CCDC178: variants seen among roughly 807,000 people sequenced by gnomAD.
CCDC178 encodes the protein coiled-coil domain containing 178, also known as coiled-coil domain-containing protein 178.
In CCDC178, 126 loss-of-function variants were observed where a neutral mutation model predicts 117.4. That is an observed-to-expected ratio of 1.07 (90% confidence interval 0.93 to 1.24). The LOEUF (loss-of-function observed/expected upper bound fraction) is 1.24, where lower values mean the gene tolerates loss of function less well. Among genes scored for constraint, CCDC178 ranks in the 50% most tolerant of loss-of-function variants. The pLI is 0.00. For synonymous variants in CCDC178, 283 were observed against 313.4 expected, an observed-to-expected ratio of 0.90 and a Z score of 1.02; for missense variants, 1,030 against 986.9, an observed-to-expected ratio of 1.04 and a Z score of -0.59.
intron 20 of CCDC178, among the ~76,000 whole-genome samples, chr18:33,203,197 T>C (rs1348076723): frequency 2.0e-5 from 3 of 152,194 alleles, no homozygotes; most frequent in Non-Finnish European, 2.9e-5. Context: ...TCTTATGAAC[T>C]GAATTTTCAT....
At chr18:33,144,869 A>T (rs551717433) in intron 20 of CCDC178, among the ~76,000 whole-genome samples, 1 of 152,332 alleles carries the variant, frequency 6.6e-6, no homozygotes, top group African/African-American at 2.4e-5. Flanking sequence ...AGTGCCATGA[A>T]TCACCTGGTG....
intron 11 of CCDC178, among the ~76,000 whole-genome samples, chr18:33,295,924 C>A (rs914753362): frequency 6.6e-6 from 1 of 152,140 alleles, no homozygotes; most frequent in Admixed American, 6.6e-5. Context: ...AAAAATCACA[C>A]TTTTTGATAT....
intron 22 of CCDC178, among the ~76,000 whole-genome samples, chr18:32,951,986 T>C (rs2054495943): frequency 6.6e-6 from 1 of 152,214 alleles, no homozygotes; most frequent in Non-Finnish European, 1.5e-5. Flanking sequence ...CCATGTCTCA[T>C]ATCCAGGTCA....
chr18:33,195,954 A>T (rs980852147), intron 20 of CCDC178, among the ~76,000 whole-genome samples: 19 of 152,242 alleles, frequency 1.2e-4, no homozygotes, highest in African/African-American at 4.1e-4. Flanking sequence ...TGTAGAGTTG[A>T]ATTACCTAAA....
chr18:33,188,618 C>G (rs966275741), intron 20 of CCDC178, among the ~76,000 whole-genome samples: 1 of 152,106 alleles, frequency 6.6e-6, no homozygotes, highest in Non-Finnish European at 1.5e-5. Context: ...CTAAGAGTGG[C>G]CATGGGCAAT....
chr18:33,210,327 A>C (rs1404013069), intron 20 of CCDC178, among the ~76,000 whole-genome samples: 1 of 151,932 alleles, frequency 6.6e-6, no homozygotes, highest in Non-Finnish European at 1.5e-5. Context: ...AGACCATATA[A>C]TGCTTCCAAG....
intron 21 of CCDC178, among the ~76,000 whole-genome samples, chr18:33,017,407 TA>T (rs2056014892): frequency 6.6e-6 from 1 of 151,952 alleles, no homozygotes; most frequent in Non-Finnish European, 1.5e-5. Context: ...ACTTGTGGTC[TA>T]AAAGTATGAA....
Position 33,257,691 on chromosome 18 carries a change from C to T in CCDC178, c.1409+9225G>A, listed in dbSNP as rs544057630. On this transcript the variant is annotated intron_variant, in intron 14 of 22. Coordinates refer to ENST00000383096, the MANE Select transcript of CCDC178 (RefSeq NM_001105528.4). ...TTCATGTTCTCCATTGTCCATATTG[C>T]ACAAAATGTAAATTCTCATTACTTC... 5.1e-4 allele frequency among the ~76,000 whole-genome samples: 77 copies of T among 152,166 alleles called. 1 individual carries two copies. Among genetic ancestry groups the T allele is most frequent in the Middle Eastern group, 3.4e-3 (1 of 294 alleles).
chr18:33,251,721 A>G (rs2059620412), intron 14 of CCDC178, among the ~76,000 whole-genome samples: 1 of 151,696 alleles, frequency 6.6e-6, no homozygotes, highest in Non-Finnish European at 1.5e-5. Context: ...AACTGTGGGC[A>G]TTTTGTATTC....
chr18:33,260,969 T>C (rs1037809722), intron 14 of CCDC178, among the ~76,000 whole-genome samples: 4 of 152,236 alleles, frequency 2.6e-5, no homozygotes, highest in African/African-American at 9.6e-5. Flanking sequence ...AGCTCTATTG[T>C]TAATTTTGAA....
At chr18:33,014,498 G>T (rs1164653540) in intron 21 of CCDC178, among the ~76,000 whole-genome samples, 2 of 152,160 alleles carry the variant, frequency 1.3e-5, no homozygotes, top group African/African-American at 4.8e-5. Flanking sequence ...CAATCTAAAA[G>T]GCACACCTAT....
intron 14 of CCDC178, among the ~76,000 whole-genome samples, chr18:33,264,864 G>A (rs200506267): frequency 3.9e-5 from 6 of 152,038 alleles, no homozygotes; most frequent in East Asian, 1.9e-4. Flanking sequence ...CTATGTGAGT[G>A]AGAAATCAAC....
chr18:33,387,511 G>A (rs1291723208), intron 5 of CCDC178, among the ~76,000 whole-genome samples: 3 of 151,960 alleles, frequency 2.0e-5, no homozygotes, highest in Admixed American at 1.3e-4. Flanking sequence ...ACAAAAACAG[G>A]CACATAGACC....
chr18:33,266,003 A>G (rs1181310301), intron 14 of CCDC178, among the ~76,000 whole-genome samples: 3 of 152,062 alleles, frequency 2.0e-5, no homozygotes, highest in Admixed American at 2.0e-4. Context: ...ATAGGTTTCC[A>G]AACCAAGAAT....
At position 33,385,332 on chromosome 18, in the gene CCDC178, C is replaced by T. The variant is rs75212683; in HGVS notation, c.208+4208G>A. ...TGAGACAGAAAATTAACAAAGATATCCAGGACTTGAACTCAGCTCTAGACC... is the reference window on the plus strand; with the variant it reads ...TGAGACAGAAAATTAACAAAGATATTCAGGACTTGAACTCAGCTCTAGACC... On this transcript the variant is annotated intron_variant, in intron 5 of 22. Coordinates refer to ENST00000383096, the MANE Select transcript of CCDC178 (RefSeq NM_001105528.4). Among the ~76,000 whole-genome samples the T allele has an allele frequency of 1.9e-3, 284 of 152,152 alleles. 4 individuals carry two copies. The highest frequency in any genetic ancestry group is 2.9e-4 in the Non-Finnish European group (20 of 67,994).
At chr18:33,132,335 C>T (rs1198285802) in intron 20 of CCDC178, among the ~76,000 whole-genome samples, 1 of 151,638 alleles carries the variant, frequency 6.6e-6, no homozygotes, top group Non-Finnish European at 1.5e-5. Flanking sequence ...AGAATGTTTT[C>T]ATGTAATCTA....
intron 20 of CCDC178, among the ~76,000 whole-genome samples, chr18:33,171,978 T>A (rs766130578): frequency 8.5e-5 from 13 of 152,180 alleles, no homozygotes; most frequent in Non-Finnish European, 1.9e-4. Context: ...TGGCACGAAC[T>A]CGGCTTACTG....
intron 20 of CCDC178, among the ~76,000 whole-genome samples, chr18:33,156,344 T>TC (rs1320504522): frequency 6.6e-6 from 1 of 151,374 alleles, no homozygotes; most frequent in African/African-American, 2.4e-5. Flanking sequence ...CGCCTCTGCC[T>TC]CCCAAAGTGC....
At chr18:33,214,660 A>G (rs1265100920) in intron 19 of CCDC178, among the ~76,000 whole-genome samples, 1 of 152,090 alleles carries the variant, frequency 6.6e-6, no homozygotes, top group Non-Finnish European at 1.5e-5. Context: ...CTGCTTTTTC[A>G]CATAATATAG....
Sources: gnomAD v4.1 joint callset for allele counts (sites outside exome capture counted in the v4.1 genomes callset) on GRCh38, gnomAD v4.1.1 for gene constraint, MANE v1.5 for transcripts, NCBI Gene and HGNC (gene_info 2026-07-23, HGNC 2026-07-21) for gene names.